The following WDR7 variants were observed in gnomAD, a reference collection of about 807,000 sequenced individuals.
The protein encoded by WDR7 is WD repeat-containing protein 7.
WDR7 carries 46 observed loss-of-function variants against 169.4 expected under a neutral mutation model. The observed-to-expected ratio is 0.27, with a 90% CI of 0.21 to 0.35. The LOEUF is 0.35. Ranked by LOEUF, WDR7 falls within the 10% of genes least tolerant of loss-of-function variation. The pLI is 1.00. For missense variants in WDR7, 1,534 were observed against 1,859.3 expected (o/e 0.83, Z 3.22); for synonymous variants, 612 against 666.8 (o/e 0.92, Z 1.27).
chr18:57,007,967 G>A (rs1287779043), intron 26 of WDR7, among the ~76,000 whole-genome samples: 2 of 152,096 alleles, frequency 1.3e-5, no homozygotes, highest in African/African-American at 4.8e-5. Flanking sequence ...TCTATGTGCT[G>A]GTTCCTCCCA....
chr18:56,667,563 A>C (rs2025050335), intron 1 of WDR7, among the ~76,000 whole-genome samples: 2 of 152,212 alleles, frequency 1.3e-5, no homozygotes, highest in South Asian at 4.1e-4. Flanking sequence ...ATGGTTAAGC[A>C]TAGAGTAATT....
intron 21 of WDR7, among the ~76,000 whole-genome samples, chr18:56,917,228 G>C (rs1393696591): frequency 6.6e-6 from 1 of 151,978 alleles, no homozygotes; most frequent in Non-Finnish European, 1.5e-5. Context: ...CTGTGTGTCT[G>C]TTGTGTATGT....
In WDR7 at chr18:56,900,082, G is replaced by GTATATATATA. The variant is rs1191116351; in HGVS notation, c.3526+19936_3526+19945dup. 6.2e-3 allele frequency among the ~76,000 whole-genome samples: 199 copies of GTATATATATA among 32,036 alleles called. 1 individual carries two copies. The highest frequency in any genetic ancestry group is 0.011 in the African/African-American group (182 of 16,078). 21.0% of individuals were successfully genotyped at this position (32,036 alleles called of 152,430 possible). A position where few individuals can be genotyped will look rare whatever the true frequency, so the allele number is the denominator to read the frequency against. ...TATATATATGTGTGTGTGTGTGTGT[G>GTATATATATA]TATATATATATATATATATATATAT... is the stretch of plus-strand genomic sequence containing the variant. On this transcript the variant is annotated intron_variant, in intron 21 of 27. Transcript: ENST00000254442.
chr18:56,961,048 G>A (rs75069936), intron 25 of WDR7, among the ~76,000 whole-genome samples: 5,272 of 152,080 alleles, frequency 0.035, 310 homozygotes, highest in African/African-American at 0.12. Context: ...GTGGGGCTTA[G>A]GGTTGGGACA....
chr18:56,769,150 A>G (rs1264258851), intron 16 of WDR7, among the ~76,000 whole-genome samples: 1 of 151,686 alleles, frequency 6.6e-6, no homozygotes, highest in African/African-American at 2.4e-5. Flanking sequence ...GATTAGAGTT[A>G]TCAAATAACC....
chr18:56,845,037 G>A (rs978440266), intron 20 of WDR7, among the ~76,000 whole-genome samples: 2 of 152,136 alleles, frequency 1.3e-5, no homozygotes, highest in East Asian at 3.9e-4. Flanking sequence ...ATAGGATTTG[G>A]TGCTATCTGA....
intron 20 of WDR7, among the ~76,000 whole-genome samples, chr18:56,826,386 C>T (rs1373814957): frequency 2.0e-5 from 3 of 149,084 alleles, no homozygotes; most frequent in Admixed American, 6.7e-5. Context: ...AAATAGATGT[C>T]GGGTTCTGAA....
intron 12 of WDR7, among the ~76,000 whole-genome samples, chr18:56,708,119 C>T (rs1245610494): frequency 2.0e-5 from 3 of 151,278 alleles, no homozygotes; most frequent in Non-Finnish European, 2.9e-5. Context: ...CTGCAACCTC[C>T]GCCTCCCAGG....
In WDR7 at chr18:56,653,501, C is replaced by G. The variant is rs2024700973; in HGVS notation, c.-20+1925C>G. On this transcript the variant is annotated intron_variant, in intron 1 of 27. Transcript: ENST00000254442. ...GGATTACAGGTGTGAGCCACCACAT[C>G]CAGTCTCATTCATTGTTTTTTGTTT... 2.0e-5 allele frequency among the ~76,000 whole-genome samples: 3 copies of G among 152,318 alleles called. No individual in the cohort carries two copies. The South Asian group carries it at 6.2e-4, about 32-fold the overall frequency.
intron 12 of WDR7, among the ~76,000 whole-genome samples, chr18:56,699,005 C>T (rs1442879698): frequency 6.6e-6 from 1 of 151,942 alleles, no homozygotes; most frequent in Non-Finnish European, 1.5e-5. Context: ...CAAACCTGTG[C>T]ATGTACCCCT....
At chr18:56,959,080 A>G (rs1232159051) in intron 25 of WDR7, among the ~76,000 whole-genome samples, 1 of 152,174 alleles carries the variant, frequency 6.6e-6, no homozygotes, top group African/African-American at 2.4e-5. Flanking sequence ...AAGGTGGCCC[A>G]TAAAAGCCTC....
intron 20 of WDR7, among the ~76,000 whole-genome samples, chr18:56,874,756 C>T (rs1337789994): frequency 6.6e-6 from 1 of 151,908 alleles, no homozygotes; most frequent in Admixed American, 6.6e-5. Flanking sequence ...GGCAAACATC[C>T]AGAACTAACT....
chr18:56,850,837 C>T (rs1410432878), intron 20 of WDR7, among the ~76,000 whole-genome samples: 2 of 152,162 alleles, frequency 1.3e-5, no homozygotes, highest in African/African-American at 2.4e-5. Flanking sequence ...TAAGCACCAA[C>T]CAGCTTCCTT....
chr18:56,754,080 A>G lies in WDR7; in HGVS notation c.1990-2503A>G, dbSNP rs2043835776. Among the ~76,000 whole-genome samples, 4 of 151,864 alleles carry G rather than the reference A, an allele frequency of 2.6e-5. No homozygotes were observed. In the South Asian group the frequency reaches 8.3e-4, roughly 31 times the overall value. ...GTAATTACTATTAATATTTTCACAC[A>G]TTTCTTTCCAGTCACATATATATGT... On this transcript the variant is annotated intron_variant, in intron 14 of 27. Transcript: ENST00000254442.
Position 56,824,107 on chromosome 18 carries a change from C to T in WDR7, c.3304+7963C>T, listed in dbSNP as rs150817173. Reference sequence around the variant, plus strand: ...TCTGATGTCATCAGCTAAAGCAGTACTTAACTTTGTTCCCCAGAGTACCCT... The same window carrying T: ...TCTGATGTCATCAGCTAAAGCAGTATTTAACTTTGTTCCCCAGAGTACCCT... On this transcript the variant is annotated intron_variant, in intron 20 of 27. Transcript: ENST00000254442. 6.4e-3 allele frequency among the ~76,000 whole-genome samples: 974 copies of T among 152,278 alleles called. 19 individuals carry two copies. The highest frequency in any genetic ancestry group is 0.022 in the African/African-American group (929 of 41,550).
At chr18:56,835,362 G>T (rs2045380211) in intron 20 of WDR7, among the ~76,000 whole-genome samples, 1 of 152,132 alleles carries the variant, frequency 6.6e-6, no homozygotes, top group Non-Finnish European at 1.5e-5. Flanking sequence ...GTGCATTAGT[G>T]GACAGTGTAG....
chr18:56,746,103 G>T (rs1048497548), intron 14 of WDR7, among the ~76,000 whole-genome samples: 3 of 152,158 alleles, frequency 2.0e-5, no homozygotes, highest in African/African-American at 7.2e-5. Flanking sequence ...ATATTTGTCA[G>T]TTATCTCAGG....
At chr18:57,003,412 A>AG (rs914824615) in intron 26 of WDR7, among the ~76,000 whole-genome samples, 1 of 152,152 alleles carries the variant, frequency 6.6e-6, no homozygotes, top group Non-Finnish European at 1.5e-5. Context: ...ACATTTAAAA[A>AG]GCACTCTTTT....
At chr18:57,004,115 C>T (rs1366035342) in intron 26 of WDR7, among the ~76,000 whole-genome samples, 1 of 151,936 alleles carries the variant, frequency 6.6e-6, no homozygotes, top group Non-Finnish European at 1.5e-5. Flanking sequence ...ACAGTAATCC[C>T]ATAATTTAAC....
Sources: gnomAD v4.1 joint callset for allele counts (sites outside exome capture counted in the v4.1 genomes callset) on GRCh38, gnomAD v4.1.1 for gene constraint, MANE v1.5 for transcripts, NCBI Gene and HGNC (gene_info 2026-07-23, HGNC 2026-07-21) for gene names.